NTRK3: variants seen among roughly 807,000 people sequenced by gnomAD.
NTRK3 encodes the protein neurotrophic receptor tyrosine kinase 3.
Under a neutral mutation model 91.7 loss-of-function variants are expected in NTRK3, and 24 were observed. That is an observed-to-expected ratio of 0.26 (90% CI 0.19 to 0.37). The LOEUF (loss-of-function observed/expected upper bound fraction) is 0.37, where lower values mean the gene tolerates loss of function less well. Among genes scored for constraint, NTRK3 ranks in the 10% least tolerant of loss-of-function variants. The probability of loss-of-function intolerance (pLI) is 1.00; values close to 1 mark genes in which losing one functional copy is unlikely to be tolerated. For missense variants in NTRK3, 880 were observed against 1,068.9 expected (o/e 0.82, Z 2.46); for synonymous variants, 483 against 404.0 (o/e 1.20, Z -2.34).
intron 17 of NTRK3, among the ~76,000 whole-genome samples, chr15:87,897,827 ATATACATATCC>A (rs200791806): frequency 0.12 from 18,642 of 152,154 alleles, 1,922 homozygotes; most frequent in African/African-American, 0.28. Context: ...TATCAGAATT[ATATACATATCC>A]TGTGTATACA....
At chr15:88,024,955 A>G (rs2141929926) in intron 14 of NTRK3, among the ~76,000 whole-genome samples, 1 of 152,328 alleles carries the variant, frequency 6.6e-6, no homozygotes. Flanking sequence ...CTATTAGTCA[A>G]TGTGAATATC....
chr15:88,085,947 G>A (rs2048459312), intron 13 of NTRK3, among the ~76,000 whole-genome samples: 1 of 152,240 alleles, frequency 6.6e-6, no homozygotes, highest in Non-Finnish European at 1.5e-5. Flanking sequence ...GAAAATGATA[G>A]TATGTGATAC....
chr15:87,952,849 CCTA>C (rs1320839025), intron 14 of NTRK3, among the ~76,000 whole-genome samples: 1 of 152,088 alleles, frequency 6.6e-6, no homozygotes, highest in African/African-American at 2.4e-5. Context: ...CCTTTCCTGC[CCTA>C]CCCCCGCCGC....
intron 14 of NTRK3, among the ~76,000 whole-genome samples, chr15:87,941,815 G>T (rs1257156938): frequency 6.6e-6 from 1 of 152,212 alleles, no homozygotes; most frequent in Admixed American, 6.5e-5. Context: ...TGCTACGAAG[G>T]AGTTGTACAA....
chr15:88,146,548 G>A lies in NTRK3; in HGVS notation c.464+787C>T, dbSNP rs138909407. On this transcript the variant is annotated intron_variant, in intron 6 of 18. Coordinates refer to ENST00000394480, the Ensembl canonical transcript of NTRK3. ...TAATATGATGTCCTTCATGCACAGAGATGACCCCGATGAATCACTCATCAA... is the reference window on the plus strand; with the variant it reads ...TAATATGATGTCCTTCATGCACAGAAATGACCCCGATGAATCACTCATCAA... 6.6e-5 allele frequency among the ~76,000 whole-genome samples: 10 copies of A among 152,238 alleles called. No homozygotes were observed. In the East Asian group the frequency reaches 1.9e-3, roughly 29 times the overall value.
intron 17 of NTRK3, among the ~76,000 whole-genome samples, chr15:87,893,568 G>A (rs2065954213): frequency 6.6e-6 from 1 of 152,172 alleles, no homozygotes; most frequent in Middle Eastern, 3.2e-3. Flanking sequence ...TTGAGTGACT[G>A]CAACTTTTCT....
rs879080380 is a variant in NTRK3 at position 87,863,994 on chromosome 15, T to TACACACACACACAC, written c.*12927_*12940dup. On this transcript the variant is annotated 3_prime_UTR_variant, in exon 19 of 19. Coordinates refer to ENST00000394480, the Ensembl canonical transcript of NTRK3. The stretch of plus-strand genomic sequence containing the variant: ...CAAAATACACACACACACACACACA[T>TACACACACACACAC]ACACACACACACACACACACACACA... 1,752 of 218,282 alleles carry TACACACACACACAC rather than the reference T, an allele frequency of 8.0e-3. 25 individuals carry two copies. The highest frequency in any genetic ancestry group is 0.039 in the African/African-American group (1,658 of 42,114). The allele number at this position is 218,282 out of a possible 1,614,324, so 13.5% of individuals were successfully genotyped here.
chr15:88,136,038 G>A (rs1182907305), exon 9 of NTRK3: 3 of 1,614,158 alleles, frequency 1.9e-6, no homozygotes, highest in Non-Finnish European at 2.5e-6. Flanking sequence ...AGTTCAGATT[G>A]GTCTGAAAAC....
At chr15:87,909,799 A>T (rs1324840746) in intron 17 of NTRK3, among the ~76,000 whole-genome samples, 1 of 152,224 alleles carries the variant, frequency 6.6e-6, no homozygotes, top group African/African-American at 2.4e-5. Flanking sequence ...ATTAGGACAC[A>T]AACCACACAG....
At chr15:88,104,348 C>T (rs2150907971) in intron 13 of NTRK3, among the ~76,000 whole-genome samples, 1 of 152,340 alleles carries the variant, frequency 6.6e-6, no homozygotes, top group South Asian at 2.1e-4. Context: ...ATTCTACTGT[C>T]TCTAATGAAG....
At chr15:87,959,496 G>T (rs2072033062) in intron 14 of NTRK3, among the ~76,000 whole-genome samples, 1 of 152,190 alleles carries the variant, frequency 6.6e-6, no homozygotes. Context: ...AGGCGTGCTA[G>T]TTATTAAATC....
At chr15:87,904,959 T>C (rs1370740861) in intron 17 of NTRK3, among the ~76,000 whole-genome samples, 1 of 152,220 alleles carries the variant, frequency 6.6e-6, no homozygotes, top group Non-Finnish European at 1.5e-5. Context: ...AGATGAATGA[T>C]GCTTTCCTCC....
chr15:87,890,031 C>T (rs2065774311), intron 17 of NTRK3, among the ~76,000 whole-genome samples: 2 of 151,616 alleles, frequency 1.3e-5, no homozygotes, highest in East Asian at 3.9e-4. Flanking sequence ...TTCTCAAAGT[C>T]TGTTTATTTC....
intron 13 of NTRK3, among the ~76,000 whole-genome samples, chr15:88,045,665 C>T (rs1181860671): frequency 2.6e-5 from 4 of 152,176 alleles, no homozygotes; most frequent in Non-Finnish European, 5.9e-5. Context: ...ATCAAGGTAC[C>T]AGCCAGGCCA....
rs370800275 is a variant in NTRK3, at chr15:88,242,673, AG to A, written c.248+13232del. ...AGCTGGTGCTAGGCGCTAGGATGAAAGGGGGTAGACTCTCCTCCTCTTTGGG... is the reference window on the plus strand; with the variant it reads ...AGCTGGTGCTAGGCGCTAGGATGAAAGGGGTAGACTCTCCTCCTCTTTGGG... On this transcript the variant is annotated intron_variant, in intron 3 of 18. Transcript: ENST00000394480. Among the ~76,000 whole-genome samples the A allele has an allele frequency of 1.5e-3, 229 of 152,258 alleles. 1 individual carries two copies. Among genetic ancestry groups the A allele is most frequent in the African/African-American group, 5.1e-3 (213 of 41,552 alleles).
intron 17 of NTRK3, among the ~76,000 whole-genome samples, chr15:87,893,789 T>TA (rs1410247167): frequency 6.6e-6 from 1 of 152,110 alleles, no homozygotes; most frequent in Non-Finnish European, 1.5e-5. Context: ...ATATTCCAGA[T>TA]AAAGAAACCG....
chr15:87,974,967 G>A (rs2073598428), intron 14 of NTRK3, among the ~76,000 whole-genome samples: 1 of 152,140 alleles, frequency 6.6e-6, no homozygotes, highest in South Asian at 2.1e-4. Context: ...CTGCAGAGTG[G>A]CCAAAAGCAT....
intron 14 of NTRK3, among the ~76,000 whole-genome samples, chr15:87,948,823 A>G (rs1467794431): frequency 6.6e-6 from 1 of 152,156 alleles, no homozygotes; most frequent in Non-Finnish European, 1.5e-5. Context: ...TTGGCTCAGG[A>G]TTTTTTACCT....
chr15:88,141,893 C>A (rs2042419599), intron 6 of NTRK3, among the ~76,000 whole-genome samples: 1 of 152,244 alleles, frequency 6.6e-6, no homozygotes, highest in Non-Finnish European at 1.5e-5. Flanking sequence ...AGGACCTGAT[C>A]CAGCAGATGG....
Sources: allele counts gnomAD v4.1 joint callset (sites outside exome capture counted in the v4.1 genomes callset), GRCh38; gene constraint gnomAD v4.1.1; transcripts MANE v1.5; gene names NCBI Gene and HGNC (gene_info 2026-07-23, HGNC 2026-07-21).